FAM168B: variants seen among roughly 807,000 people sequenced by gnomAD.
FAM168B encodes the protein family with sequence similarity 168 member B.
A neutral mutation model predicts 21.8 loss-of-function variants in FAM168B; 19 were observed. That is an observed-to-expected ratio of 0.87 (90% CI 0.61 to 1.28). The LOEUF (loss-of-function observed/expected upper bound fraction) is 1.28. Ranked by LOEUF, FAM168B falls within the 50% of genes most tolerant of loss-of-function variation. The probability of loss-of-function intolerance (pLI) is 0.00; values close to 1 mark genes in which losing one functional copy is unlikely to be tolerated. For synonymous variants in FAM168B, 126 were observed against 104.8 expected, an observed-to-expected ratio of 1.20 and a Z score of -1.24; for missense variants, 233 against 263.1, an observed-to-expected ratio of 0.89 and a Z score of 0.79.
At chr2:131,078,774 A>G (rs1693291192) in intron 2 of FAM168B, among the ~76,000 whole-genome samples, 2 of 151,504 alleles carry the variant, frequency 1.3e-5, no homozygotes, top group Non-Finnish European at 2.9e-5. Flanking sequence ...TGAGCACAGG[A>G]GTTTGAGATC....
chr2:131,083,842 G>A (rs567094601), intron 1 of FAM168B, among the ~76,000 whole-genome samples: 1 of 151,902 alleles, frequency 6.6e-6, no homozygotes, highest in Admixed American at 6.6e-5. Flanking sequence ...CTCTAGATGG[G>A]AGTGGATTTA....
intron 2 of FAM168B, among the ~76,000 whole-genome samples, chr2:131,080,708 C>T (rs1007509572): frequency 9.3e-5 from 14 of 149,998 alleles, no homozygotes; most frequent in Admixed American, 2.0e-4. Flanking sequence ...CTTGCTCTGT[C>T]GCCCAGGCTG....
At chr2:131,064,528 C>T (rs1166533293) in intron 3 of FAM168B, among the ~76,000 whole-genome samples, 1 of 152,158 alleles carries the variant, frequency 6.6e-6, no homozygotes. Context: ...CCCGAATATT[C>T]TGGGGGGAAA....
intron 3 of FAM168B, among the ~76,000 whole-genome samples, chr2:131,059,581 AT>A (rs919602445): frequency 1.3e-5 from 2 of 152,192 alleles, no homozygotes; most frequent in African/African-American, 4.8e-5. Context: ...CCAAGATGAT[AT>A]TTTTTTTATA....
At chr2:131,065,661 C>T (rs888157926) in intron 3 of FAM168B, among the ~76,000 whole-genome samples, 1 of 151,728 alleles carries the variant, frequency 6.6e-6, no homozygotes, top group South Asian at 2.1e-4. Flanking sequence ...TGGTGGAGAG[C>T]GCCTGTAATT....
At chr2:131,075,733 C>T (rs1693119526) in intron 2 of FAM168B, among the ~76,000 whole-genome samples, 1 of 152,076 alleles carries the variant, frequency 6.6e-6, no homozygotes, top group Non-Finnish European at 1.5e-5. Context: ...CGTGATCCGC[C>T]CACCCCGGCC....
chr2:131,060,508 A>T (rs938756591), intron 3 of FAM168B, among the ~76,000 whole-genome samples: 1 of 152,230 alleles, frequency 6.6e-6, no homozygotes, highest in African/African-American at 2.4e-5. Flanking sequence ...ATTCAACTTT[A>T]TAAAAAATTC....
rs890236685 is a variant in FAM168B at position 131,050,377 on chromosome 2, C to G, written c.*2088G>C. ...AAAGACTTCTCTGCTACTTGGTCAG[C>G]TGAACCCCTGGAACCGTTAGAACCT... On this transcript the variant is annotated 3_prime_UTR_variant, in exon 7 of 7. Coordinates refer to ENST00000389915, the MANE Select transcript of FAM168B (RefSeq NM_001009993.4). The G allele has an allele frequency of 3.0e-6, 3 of 985,636 alleles. No individual in the cohort carries two copies. In the African/African-American group the frequency reaches 5.2e-5, roughly 17 times the overall value. 61.1% of individuals were successfully genotyped at this position (985,636 alleles called of 1,614,324 possible). A position where few individuals can be genotyped will look rare whatever the true frequency, so the allele number is the denominator to read the frequency against.
intron 3 of FAM168B, among the ~76,000 whole-genome samples, chr2:131,065,279 G>A (rs1692497208): frequency 6.6e-6 from 1 of 152,052 alleles, no homozygotes; most frequent in South Asian, 2.1e-4. Flanking sequence ...AAGGGAGCAG[G>A]CAACTGCTAT....
At chr2:131,069,467 G>A (rs1464553384) in intron 3 of FAM168B, among the ~76,000 whole-genome samples, 17 of 151,836 alleles carry the variant, frequency 1.1e-4, no homozygotes, top group Admixed American at 1.1e-3. Flanking sequence ...AAATCTTTGT[G>A]AAGTTAGGTT....
intron 3 of FAM168B, among the ~76,000 whole-genome samples, chr2:131,061,549 G>C (rs1376639446): frequency 1.3e-5 from 2 of 152,144 alleles, no homozygotes; most frequent in Admixed American, 1.3e-4. Context: ...GGGAGGCTGA[G>C]GCAGGCGGAT....
Position 131,063,732 on chromosome 2 carries a change from T to C in FAM168B, c.155-8037A>G, listed in dbSNP as rs188259284. 2.7e-3 allele frequency among the ~76,000 whole-genome samples: 417 copies of C among 152,306 alleles called. 2 individuals are homozygous for C. The highest frequency in any genetic ancestry group is 9.6e-3 in the African/African-American group (399 of 41,568). ...AATTCTGGGTTACAGTGAGCTATGA[T>C]TGTGCAACCACACTCCAGCCTGGGC... is the stretch of plus-strand genomic sequence containing the variant. On this transcript the variant is annotated intron_variant, in intron 3 of 6. Transcript: ENST00000389915.
intron 2 of FAM168B, among the ~76,000 whole-genome samples, chr2:131,077,172 G>A (rs1356256734): frequency 6.7e-6 from 1 of 149,024 alleles, no homozygotes; most frequent in Non-Finnish European, 1.5e-5. Flanking sequence ...AATCAACTAT[G>A]GAAGCCCACA....
intron 3 of FAM168B, among the ~76,000 whole-genome samples, 199 bp from the exon 4 acceptor site, chr2:131,055,894 G>C (rs756348508): frequency 6.6e-6 from 1 of 152,212 alleles, no homozygotes; most frequent in Non-Finnish European, 1.5e-5. Context: ...CGTGTGTGTG[G>C]TGGCAGGGTG....
At chr2:131,054,690 G>C (rs766467583) in intron 5 of FAM168B, among the ~76,000 whole-genome samples, 2 of 152,160 alleles carry the variant, frequency 1.3e-5, no homozygotes, top group South Asian at 4.1e-4. Flanking sequence ...CCAATCCCTA[G>C]ACATCAGATC....
chr2:131,049,115 C>CTG lies in FAM168B; in HGVS notation c.*3349_*3350insCA. 2 of 985,448 alleles carry CTG rather than the reference C, an allele frequency of 2.0e-6. No homozygotes were observed. Among genetic ancestry groups the CTG allele is most frequent in the African/African-American group, 3.5e-5 (2 of 57,370 alleles). 61.0% of individuals were successfully genotyped at this position (985,448 alleles called of 1,614,324 possible). A position where few individuals can be genotyped will look rare whatever the true frequency, so the allele number is the denominator to read the frequency against. Reference sequence around the variant, plus strand: ...GGTGCCTTACATACCTTACGGGGGCCAACACTGACAGGTATTAGTACGTCG... The same window carrying CTG: ...GGTGCCTTACATACCTTACGGGGGCCTGAACACTGACAGGTATTAGTACGTCG... On this transcript the variant is annotated 3_prime_UTR_variant, in exon 7 of 7. Transcript: ENST00000389915.
chr2:131,086,551 G>A (rs374009941), intron 1 of FAM168B, among the ~76,000 whole-genome samples: 22 of 152,222 alleles, frequency 1.4e-4, no homozygotes, highest in African/African-American at 4.1e-4. Flanking sequence ...AGCTATGATC[G>A]TTATCACTGC....
chr2:131,048,279 G>A lies in FAM168B; in HGVS notation c.*4186C>T, dbSNP rs760432614. On this transcript the variant is annotated 3_prime_UTR_variant, in exon 7 of 7. Transcript: ENST00000389915. The stretch of plus-strand genomic sequence containing the variant: ...CAGCAACCCTGCTAGGAGCACAAAC[G>A]GCTGGCCTGAGATCTGGCCCAGCTG... The A allele has an allele frequency of 8.4e-6, 11 of 1,304,118 alleles. No individual in the cohort carries two copies. Among genetic ancestry groups the A allele is most frequent in the East Asian group, 5.5e-5 (1 of 18,034 alleles). The allele number at this position is 1,304,118 out of a possible 1,614,324, so 80.8% of individuals were successfully genotyped here.
intron 3 of FAM168B, among the ~76,000 whole-genome samples, chr2:131,065,775 C>G (rs1293026529): frequency 3.0e-5 from 4 of 135,572 alleles, no homozygotes; most frequent in Non-Finnish European, 6.1e-5. Context: ...GGCAACAGAG[C>G]GAGACTCCAG....
Sources: allele counts gnomAD v4.1 joint callset (sites outside exome capture counted in the v4.1 genomes callset), GRCh38; gene constraint gnomAD v4.1.1; transcripts MANE v1.5; gene names NCBI Gene and HGNC (gene_info 2026-07-23, HGNC 2026-07-21).